PKD2L2: variants seen among roughly 807,000 people sequenced by gnomAD.
PKD2L2 encodes polycystin-2-like protein 2.
A neutral mutation model predicts 83.9 loss-of-function variants in PKD2L2; 67 were observed. The ratio of observed to expected loss-of-function variants is 0.80; its 90% CI spans 0.66 to 0.98. The LOEUF is 0.98. PKD2L2 is among the 50% of genes least tolerant of loss of function. The pLI, the probability that PKD2L2 is intolerant of heterozygous loss-of-function variation, is 0.00. For synonymous variants in PKD2L2, 223 were observed against 237.8 expected, an observed-to-expected ratio of 0.94 and a Z score of 0.57; for missense variants, 632 against 717.2, an observed-to-expected ratio of 0.88 and a Z score of 1.36.
intron 14 of PKD2L2, chr5:137,939,003 T>C (rs1056187317): frequency 2.0e-5 from 3 of 152,000 alleles, no homozygotes; most frequent in African/African-American, 7.3e-5. Flanking sequence ...CACCATTCTG[T>C]AACAATGATT....
intron 5 of PKD2L2, among the ~76,000 whole-genome samples, chr5:137,903,547 T>C (rs975120563): frequency 6.6e-6 from 1 of 152,174 alleles, no homozygotes; most frequent in Admixed American, 6.5e-5. Flanking sequence ...ACCAACAGAT[T>C]TTAATGATCT....
At chr5:137,917,025 G>C (rs942836946) in intron 8 of PKD2L2, among the ~76,000 whole-genome samples, 14 of 151,976 alleles carry the variant, frequency 9.2e-5, no homozygotes, top group African/African-American at 3.4e-4. Context: ...CATCAAACTT[G>C]GGAAGTTTTT....
intron 13 of PKD2L2, 48 bp downstream of exon 13, chr5:137,935,957 C>G: frequency 1.0e-6 from 1 of 1,000,720 alleles, no homozygotes; most frequent in South Asian, 1.4e-5. Flanking sequence ...ATGACATGCG[C>G]ATTAAGGACA....
In PKD2L2 at chr5:137,925,051, T is replaced by A; in HGVS notation, c.1563T>A (p.Asn521Lys). 1 of 1,593,866 alleles carries A rather than the reference T, an allele frequency of 6.3e-7. No individual in the cohort carries two copies. The highest frequency in any genetic ancestry group is 8.6e-7 in the Non-Finnish European group (1 of 1,161,934). The change falls in exon 11 of 15, where the codon AAT (asparagine) becomes AAA (lysine). Residue 521 changes from asparagine to lysine, a missense_variant. Around this residue, in one of 3 missense-constraint regions of PKD2L2, gnomAD observed 399 missense variants for 416.9 expected, o/e 0.96. Transcript: ENST00000508883. ...TAAATTATGCCCAGAGTTACAAAAA[T>A]GTTCTCGAGAAATTCAGACTGAAGA... Reference protein sequence around the residue: ...LGKMIKQSYKNVLEKFRLKKA... With the variant: ...LGKMIKQSYKKVLEKFRLKKA...
At chr5:137,932,802 A>C (rs1379110756) in intron 12 of PKD2L2, among the ~76,000 whole-genome samples, 1 of 152,160 alleles carries the variant, frequency 6.6e-6, no homozygotes, top group Non-Finnish European at 1.5e-5. Context: ...CTAATTCAAA[A>C]ATTTGAAATC....
At chr5:137,917,843 G>C (rs1010896134) in intron 8 of PKD2L2, among the ~76,000 whole-genome samples, 21 of 152,020 alleles carry the variant, frequency 1.4e-4, no homozygotes, top group South Asian at 4.2e-4. Context: ...TGTATCTGGT[G>C]ATTTTTTGGT....
In PKD2L2 at chr5:137,941,154, C is replaced by T. The variant is rs186516229; in HGVS notation, c.*18-1230C>T. Among the ~76,000 whole-genome samples the T allele has an allele frequency of 7.2e-5, 11 of 152,194 alleles. 1 individual carries two copies. The highest frequency in any genetic ancestry group is 2.0e-4 in the Admixed American group (3 of 15,296). On this transcript the variant is annotated intron_variant, in intron 14 of 14. Coordinates refer to ENST00000508883, the MANE Select transcript of PKD2L2 (RefSeq NM_001300921.2). The stretch of plus-strand genomic sequence containing the variant: ...TGATCTCCTGACCTCGTGATCCACC[C>T]GCCTCAGCCTCCCAAAGTGCTGGTA...
chr5:137,901,393 C>T (rs1304573358), intron 5 of PKD2L2, among the ~76,000 whole-genome samples: 1 of 129,312 alleles, frequency 7.7e-6, no homozygotes, highest in Admixed American at 8.7e-5. Context: ...TTAATGCAGA[C>T]AATAGTGCCC....
chr5:137,925,053 T>C lies in PKD2L2; in HGVS notation c.1565T>C (p.Val522Ala). The C allele has an allele frequency of 6.3e-7, 1 of 1,595,744 alleles. No homozygotes were observed. The highest frequency in any genetic ancestry group is 1.1e-5 in the South Asian group (1 of 90,496). The change falls in exon 11 of 15, where the codon GTT becomes GCT. Residue 522 changes from valine to alanine, a missense_variant. Physicochemically the swap from Val to Ala is moderately conservative, Grantham distance 64 (BLOSUM62 0). Transcript: ENST00000508883. Reference protein sequence around the residue: ...GKMIKQSYKNVLEKFRLKKAQ... With the variant: ...GKMIKQSYKNALEKFRLKKAQ... The stretch of plus-strand genomic sequence containing the variant: ...AATTATGCCCAGAGTTACAAAAATG[T>C]TCTCGAGAAATTCAGACTGAAGAAA...
chr5:137,922,344 TC>T (rs565719599), intron 9 of PKD2L2, among the ~76,000 whole-genome samples: 1 of 152,150 alleles, frequency 6.6e-6, no homozygotes, highest in Non-Finnish European at 1.5e-5. Context: ...GGTAAGAATA[TC>T]CTTTCTACAT....
At chr5:137,906,498 G>A (rs761836881) in intron 6 of PKD2L2, 64 bp downstream of exon 6, 55 of 766,230 alleles carry the variant, frequency 7.2e-5, no homozygotes, top group Non-Finnish European at 1.1e-4. Flanking sequence ...TGAAGGAGGT[G>A]TAAAAAGACA....
At chr5:137,936,732 GGC>G (rs1760457271) in intron 14 of PKD2L2, among the ~76,000 whole-genome samples, 1 of 152,360 alleles carries the variant, frequency 6.6e-6, no homozygotes, top group East Asian at 1.9e-4. Context: ...TGGGATGACA[GGC>G]GTGAGCCACC....
At position 137,908,782 on chromosome 5, in the gene PKD2L2, C is replaced by T; in HGVS notation, c.1164C>T (p.Ser388=). The T allele has an allele frequency of 6.4e-7, 1 of 1,553,530 alleles. No individual in the cohort carries two copies. Residue 388 remains serine (S), a synonymous_variant, in exon 8 of 15, where the codon AGC becomes AGT. Coordinates refer to ENST00000508883, the MANE Select transcript of PKD2L2 (RefSeq NM_001300921.2). The part of the protein sequence containing the change: ...FAWIKIFKFI[S]FNKTMSQLSS... ...TTTTTCAGATATTCAAATTCATAAGCTTTAACAAGACAATGTCTCAGCTGT... is the reference window on the plus strand; with the variant it reads ...TTTTTCAGATATTCAAATTCATAAGTTTTAACAAGACAATGTCTCAGCTGT...
chr5:137,922,510 G>A (rs1759002300), intron 9 of PKD2L2, among the ~76,000 whole-genome samples: 1 of 152,182 alleles, frequency 6.6e-6, no homozygotes, highest in African/African-American at 2.4e-5. Context: ...GGCAGAGGCA[G>A]GCGGATCGCT....
chr5:137,908,683 C>G, intron 7 of PKD2L2, 82 bp from the exon 8 acceptor site: 1 of 684,820 alleles, frequency 1.5e-6, no homozygotes, highest in South Asian at 2.2e-5. Context: ...TAATTCGAAG[C>G]AGAATTCTTC....
intron 8 of PKD2L2, among the ~76,000 whole-genome samples, chr5:137,912,992 C>T (rs535280940): frequency 2.7e-4 from 40 of 149,998 alleles, no homozygotes; most frequent in African/African-American, 7.8e-4. Context: ...TTAGTGGAGA[C>T]GGGGTTTCTC....
intron 10 of PKD2L2, 36 bp from the exon 11 acceptor site, chr5:137,925,004 T>C (rs1759254904): frequency 8.7e-7 from 1 of 1,152,750 alleles, no homozygotes; most frequent in Non-Finnish European, 1.3e-6. Context: ...AGGATATATT[T>C]TAATGCATTT....
intron 8 of PKD2L2, among the ~76,000 whole-genome samples, chr5:137,913,610 C>G (rs550522967): frequency 7.3e-5 from 11 of 151,018 alleles, no homozygotes; most frequent in Non-Finnish European, 1.2e-4. Flanking sequence ...CCTGCCTCAG[C>G]CTCCAGAGTA....
intron 8 of PKD2L2, among the ~76,000 whole-genome samples, chr5:137,912,200 T>C (rs978943538): frequency 1.3e-5 from 2 of 152,174 alleles, no homozygotes; most frequent in African/African-American, 4.8e-5. Flanking sequence ...CATATGTTAG[T>C]CCTATTTTTA....
Sources: allele counts gnomAD v4.1 joint callset (sites outside exome capture counted in the v4.1 genomes callset), GRCh38; gene constraint gnomAD v4.1.1; regional missense constraint gnomAD v4.1.1; transcripts MANE v1.5; gene names NCBI Gene and HGNC (gene_info 2026-07-23, HGNC 2026-07-21).